Variants in CACNA2D1 observed in about 807,000 individuals in gnomAD.
The protein encoded by CACNA2D1 is voltage-dependent calcium channel subunit alpha-2/delta-1.
In CACNA2D1, 53 loss-of-function variants were observed where a neutral mutation model predicts 171.5. The observed-to-expected ratio is 0.31, with a 90% CI of 0.25 to 0.39. The LOEUF (loss-of-function observed/expected upper bound fraction) is 0.39. CACNA2D1 is among the 10% of genes least tolerant of loss of function. The probability of loss-of-function intolerance (pLI) is 1.00; values close to 1 mark genes in which losing one functional copy is unlikely to be tolerated. For synonymous variants in CACNA2D1, 442 were observed against 443.1 expected (o/e 1.00, Z 0.03); for missense variants, 903 against 1,299.8 (o/e 0.69, Z 4.69).
chr7:82,197,071 G>A (rs918388313), intron 3 of CACNA2D1, among the ~76,000 whole-genome samples: 4 of 151,898 alleles, frequency 2.6e-5, no homozygotes, highest in Non-Finnish European at 4.4e-5. Context: ...GTTTAAGCAT[G>A]TTGCTATCAA....
intron 24 of CACNA2D1, among the ~76,000 whole-genome samples, chr7:81,976,842 G>C (rs530397795): frequency 6.6e-6 from 1 of 152,044 alleles, no homozygotes; most frequent in Admixed American, 6.6e-5. Flanking sequence ...AAACAAAAGC[G>C]AGACTGTATC....
intron 3 of CACNA2D1, among the ~76,000 whole-genome samples, chr7:82,228,221 T>C (rs887761890): frequency 5.3e-5 from 8 of 152,146 alleles, no homozygotes; most frequent in Non-Finnish European, 1.0e-4. Flanking sequence ...CTTTCTCCTA[T>C]TGACTTTACA....
In CACNA2D1 at chr7:82,066,539, AAAAG is replaced by A. The variant is rs762624213; in HGVS notation, c.659-19_659-16del. 38 of 1,588,700 alleles carry A rather than the reference AAAAG, an allele frequency of 2.4e-5. No homozygotes were observed. The highest frequency in any genetic ancestry group is 1.7e-4 in the Middle Eastern group (1 of 5,790). On this transcript the variant is annotated splice_polypyrimidine_tract_variant and intron_variant, in intron 7 of 38. Coordinates refer to ENST00000356860, the MANE Select transcript of CACNA2D1 (RefSeq NM_000722.4). ...CCATGGTGAAGCTAAAAAAAAAAAA[AAAAG>A]AGAGATATTAAATCAAAATATTAGA... is the stretch of plus-strand genomic sequence containing the variant.
intron 10 of CACNA2D1, among the ~76,000 whole-genome samples, chr7:82,059,109 C>A (rs1311085416): frequency 1.3e-5 from 2 of 152,102 alleles, no homozygotes. Flanking sequence ...GCTACTTTAA[C>A]TTCTTCCTCC....
intron 1 of CACNA2D1, among the ~76,000 whole-genome samples, chr7:82,365,985 C>G (rs748272964): frequency 7.9e-5 from 12 of 152,156 alleles, no homozygotes; most frequent in Non-Finnish European, 1.3e-4. Context: ...TCCCTACTCT[C>G]TTAGCCAGTG....
chr7:82,349,131 C>T (rs1241398374), intron 2 of CACNA2D1, among the ~76,000 whole-genome samples: 1 of 152,128 alleles, frequency 6.6e-6, no homozygotes, highest in African/African-American at 2.4e-5. Context: ...CCTGTAAACA[C>T]TTTTCAAATA....
At chr7:82,199,914 A>C (rs1375279612) in intron 3 of CACNA2D1, among the ~76,000 whole-genome samples, 2 of 152,106 alleles carry the variant, frequency 1.3e-5, no homozygotes, top group Non-Finnish European at 2.9e-5. Flanking sequence ...TTCTTGCCAC[A>C]CACAAAACAC....
chr7:82,186,253 A>AAAAAG, intron 3 of CACNA2D1, among the ~76,000 whole-genome samples: 1 of 115,754 alleles, frequency 8.6e-6, no homozygotes, highest in Admixed American at 9.2e-5. Context: ...GAAGGAAGGA[A>AAAAAG]GAAAGGAAGG....
intron 3 of CACNA2D1, among the ~76,000 whole-genome samples, chr7:82,173,969 G>A (rs887168465): frequency 7.0e-6 from 1 of 143,202 alleles, no homozygotes; most frequent in Admixed American, 7.4e-5. Flanking sequence ...CTTGAATCCA[G>A]GAGTTCAAAG....
chr7:82,440,943 T>C (rs1180346848), intron 1 of CACNA2D1, among the ~76,000 whole-genome samples: 2 of 151,746 alleles, frequency 1.3e-5, no homozygotes, highest in Non-Finnish European at 3.0e-5. Context: ...CTTACATTAC[T>C]TTTTCTGTGA....
At chr7:82,168,537 AC>A (rs1795699921) in intron 4 of CACNA2D1, among the ~76,000 whole-genome samples, 1 of 152,094 alleles carries the variant, frequency 6.6e-6, no homozygotes, top group Admixed American at 6.6e-5. Flanking sequence ...GTAATAGCAA[AC>A]TTGAATTTAG....
intron 4 of CACNA2D1, among the ~76,000 whole-genome samples, chr7:82,146,327 CGTGT>C (rs1198136888): frequency 1.8e-5 from 2 of 109,786 alleles, no homozygotes; most frequent in Admixed American, 9.4e-5. Flanking sequence ...TGTGTGTGTG[CGTGT>C]GTGTGTGTGT....
intron 1 of CACNA2D1, chr7:82,410,648 G>T: frequency 3.4e-6 from 1 of 294,388 alleles, no homozygotes; most frequent in Non-Finnish European, 5.0e-6. Context: ...GAGCAGGCGC[G>T]TAAGGGCAAA....
intron 1 of CACNA2D1, among the ~76,000 whole-genome samples, chr7:82,416,774 AC>A (rs1270187629): frequency 6.6e-6 from 1 of 152,214 alleles, no homozygotes; most frequent in Non-Finnish European, 1.5e-5. Flanking sequence ...ATTCTGAAGT[AC>A]TGGGGGTTAG....
intron 3 of CACNA2D1, among the ~76,000 whole-genome samples, chr7:82,297,677 TG>T (rs368866332): frequency 9.1e-4 from 138 of 152,324 alleles, no homozygotes; most frequent in Middle Eastern, 3.4e-3. Flanking sequence ...TTAATGTAGT[TG>T]TAGTCTTTAC....
chr7:82,171,728 G>A (rs879914887), intron 3 of CACNA2D1, among the ~76,000 whole-genome samples: 2 of 152,126 alleles, frequency 1.3e-5, no homozygotes, highest in African/African-American at 2.4e-5. Context: ...TTTGCCTTAT[G>A]CAGCTAGAAG....
intron 4 of CACNA2D1, among the ~76,000 whole-genome samples, chr7:82,167,110 T>A (rs778983044): frequency 4.6e-5 from 7 of 152,110 alleles, no homozygotes; most frequent in Non-Finnish European, 7.4e-5. Context: ...TTCTAAATCA[T>A]CTTAGTGTTA....
chr7:82,436,132 C>T (rs1830101373), intron 1 of CACNA2D1, among the ~76,000 whole-genome samples: 1 of 151,986 alleles, frequency 6.6e-6, no homozygotes, highest in Non-Finnish European at 1.5e-5. Context: ...GTAATTTGCA[C>T]TGAATAATAA....
At position 82,135,516 on chromosome 7, in the gene CACNA2D1, T is replaced by C. The variant is rs185396137; in HGVS notation, c.396+1119A>G. Among the ~76,000 whole-genome samples, 11 of 152,200 alleles carry C rather than the reference T, an allele frequency of 7.2e-5. No individual in the cohort carries two copies. In the East Asian group the frequency reaches 2.1e-3, roughly 29 times the overall value. On this transcript the variant is annotated intron_variant, in intron 5 of 38. Coordinates refer to ENST00000356860, the MANE Select transcript of CACNA2D1 (RefSeq NM_000722.4). The stretch of plus-strand genomic sequence containing the variant: ...TAAAACACTCTTAGCTCTTCAACTA[T>C]AAACTGGAGAAAATAAAACCTTCTT...
Sources: gnomAD v4.1 joint callset for allele counts (sites outside exome capture counted in the v4.1 genomes callset) on GRCh38, gnomAD v4.1.1 for gene constraint, MANE v1.5 for transcripts, NCBI Gene and HGNC (gene_info 2026-07-23, HGNC 2026-07-21) for gene names.